Variants in RABGEF1 observed in about 807,000 individuals in gnomAD.
RABGEF1 encodes rab5 GDP/GTP exchange factor.
RABGEF1 carries 26 observed loss-of-function variants against 57.3 expected under a neutral mutation model. The observed-to-expected ratio is 0.45, with a 90% CI of 0.33 to 0.63. The LOEUF is 0.63. Among genes scored for constraint, RABGEF1 ranks in the 20% least tolerant of loss-of-function variants. The probability of loss-of-function intolerance (pLI) is 0.02; values close to 1 mark genes in which losing one functional copy is unlikely to be tolerated. For synonymous variants in RABGEF1, 185 were observed against 210.7 expected, an observed-to-expected ratio of 0.88 and a Z score of 1.06; for missense variants, 464 against 607.6, an observed-to-expected ratio of 0.76 and a Z score of 2.48.
chr7:66,748,478 A>G (rs1800733751), intron 1 of RABGEF1, among the ~76,000 whole-genome samples: 3 of 152,190 alleles, frequency 2.0e-5, no homozygotes, highest in Admixed American at 1.3e-4. Context: ...TCACGGAACC[A>G]TATGTTTTAA....
chr7:66,726,891 C>T (rs1394137317), intron 2 of RABGEF1, among the ~76,000 whole-genome samples: 2 of 152,072 alleles, frequency 1.3e-5, no homozygotes. Flanking sequence ...GTAGTCCCAG[C>T]TACTTGGGAG....
chr7:66,755,946 C>T, intron 1 of RABGEF1: 1 of 773,106 alleles, frequency 1.3e-6, no homozygotes, highest in Non-Finnish European at 2.0e-6. Context: ...AACATTAAAA[C>T]TCTGACATTG....
At chr7:66,690,100 C>CTTTTTT (rs892888858) in intron 1 of RABGEF1, among the ~76,000 whole-genome samples, 2 of 124,212 alleles carry the variant, frequency 1.6e-5, no homozygotes, top group East Asian at 2.4e-4. Context: ...ATAAAAAATT[C>CTTTTTT]TTTTTTTTTT....
intron 1 of RABGEF1, among the ~76,000 whole-genome samples, chr7:66,691,965 G>A (rs972979508): frequency 4.6e-5 from 7 of 152,160 alleles, no homozygotes; most frequent in African/African-American, 1.7e-4. Flanking sequence ...GCTGAGGTGA[G>A]AGGATCACTT....
chr7:66,677,501 G>A (rs1789358905), upstream of RABGEF1, among the ~76,000 whole-genome samples: 1 of 152,132 alleles, frequency 6.6e-6, no homozygotes, highest in South Asian at 2.1e-4. Context: ...GGTGGCTCAA[G>A]CCTGTAATCC....
At chr7:66,662,664 C>A in the RABGEF1 span, among the ~76,000 whole-genome samples, 1 of 152,202 alleles carries the variant, frequency 6.6e-6, no homozygotes, top group Non-Finnish European at 1.5e-5. Flanking sequence ...GAACCCTGCT[C>A]CTTGTTCCTC....
chr7:66,783,387 G>A (rs1187644926), intron 3 of RABGEF1, among the ~76,000 whole-genome samples: 2 of 152,148 alleles, frequency 1.3e-5, no homozygotes, highest in African/African-American at 2.4e-5. Context: ...TGAATATATA[G>A]ATCAAAGTGT....
chr7:66,716,415 C>T (rs997301066), intron 2 of RABGEF1, among the ~76,000 whole-genome samples: 22 of 152,100 alleles, frequency 1.4e-4, no homozygotes, highest in Admixed American at 3.9e-4. Flanking sequence ...GCCTGGGCAA[C>T]GTGACGAAAA....
At chr7:66,806,640 CTT>C (rs71997947) in intron 8 of RABGEF1, among the ~76,000 whole-genome samples, 80 of 114,594 alleles carry the variant, frequency 7.0e-4, no homozygotes, top group African/African-American at 2.4e-3. Flanking sequence ...CTCATATATC[CTT>C]TTTTTTTTTT....
At chr7:66,752,126 C>T (rs1301091945) in intron 1 of RABGEF1, among the ~76,000 whole-genome samples, 4 of 151,864 alleles carry the variant, frequency 2.6e-5, no homozygotes, top group African/African-American at 7.3e-5. Context: ...TGAGGCCAGA[C>T]GTTTGAGGCT....
intron 1 of RABGEF1, among the ~76,000 whole-genome samples, chr7:66,752,425 T>TGG (rs1054089128): frequency 2.0e-5 from 3 of 150,576 alleles, no homozygotes; most frequent in African/African-American, 7.3e-5. Flanking sequence ...AACCAGAAGG[T>TGG]GGAGGTTGCA....
upstream of RABGEF1, among the ~76,000 whole-genome samples, chr7:66,681,602 C>G (rs1789743979): frequency 6.6e-6 from 1 of 151,928 alleles, no homozygotes; most frequent in Non-Finnish European, 1.5e-5. Context: ...GGGGCTCTCC[C>G]TCTGTGGCCC....
At chr7:66,674,347 A>G in the RABGEF1 span, among the ~76,000 whole-genome samples, 2 of 151,562 alleles carry the variant, frequency 1.3e-5, no homozygotes, top group Non-Finnish European at 2.9e-5. Flanking sequence ...CCACCACCAC[A>G]CCTGGCTGAT....
upstream of RABGEF1, among the ~76,000 whole-genome samples, chr7:66,737,394 C>T (rs561686088): frequency 6.6e-6 from 1 of 151,916 alleles, no homozygotes; most frequent in East Asian, 1.9e-4. Context: ...GCTGGGACTA[C>T]AGGCGTGTGC....
In RABGEF1 at chr7:66,714,174, C is replaced by A. The variant is rs184399948; in HGVS notation, c.-815+1950C>A. On this transcript the variant is annotated intron_variant and NMD_transcript_variant, in intron 2 of 9. Coordinates refer to the RABGEF1 transcript ENST00000607882. ...GTTTTAAATCTTTGGTAAGAATTAT[C>A]TGGAGAAATTATCTAGGCCTTGAGA... Among the ~76,000 whole-genome samples the A allele has an allele frequency of 4.6e-4, 70 of 152,286 alleles. 1 individual carries two copies. In the South Asian group the frequency reaches 8.5e-3, roughly 19 times the overall value.
intron 1 of RABGEF1, among the ~76,000 whole-genome samples, chr7:66,705,436 CGAAA>C (rs1351940623): frequency 0.011 from 835 of 74,558 alleles, 30 homozygotes; most frequent in African/African-American, 0.041. Flanking sequence ...AACTCCATCT[CGAAA>C]GAAAGAGAGA....
At chr7:66,738,794 T>C (rs1798369076), upstream of RABGEF1, among the ~76,000 whole-genome samples, 1 of 151,894 alleles carries the variant, frequency 6.6e-6, no homozygotes, top group African/African-American at 2.4e-5. Flanking sequence ...GAATGGTGTG[T>C]TGCCTGATTC....
At chr7:66,675,111 A>C in the RABGEF1 span, among the ~76,000 whole-genome samples, 1 of 152,158 alleles carries the variant, frequency 6.6e-6, no homozygotes, top group Non-Finnish European at 1.5e-5. Context: ...CTAATCACTT[A>C]ATTCCCTAAT....
chr7:66,802,538 A>G (rs1787529018), intron 7 of RABGEF1, among the ~76,000 whole-genome samples: 1 of 152,192 alleles, frequency 6.6e-6, no homozygotes, highest in South Asian at 2.1e-4. Flanking sequence ...CAGGCTGGGG[A>G]GGGAAATTAT....
Sources: gnomAD v4.1 joint callset for allele counts (sites outside exome capture counted in the v4.1 genomes callset) on GRCh38, gnomAD v4.1.1 for gene constraint, MANE v1.5 for transcripts, NCBI Gene and HGNC (gene_info 2026-07-23, HGNC 2026-07-21) for gene names.